TAFA1: variants seen among roughly 807,000 people sequenced by gnomAD.
TAFA1 encodes TAFA chemokine like family member 1.
A neutral mutation model predicts 18.5 loss-of-function variants in TAFA1; 4 were observed. That is an observed-to-expected ratio of 0.22 (90% CI 0.11 to 0.49). TAFA1 has a LOEUF of 0.49. Among genes scored for constraint, TAFA1 ranks in the 20% least tolerant of loss-of-function variants. The probability of loss-of-function intolerance (pLI) is 0.98; values close to 1 mark genes in which losing one functional copy is unlikely to be tolerated. For synonymous variants in TAFA1, 56 were observed against 55.2 expected, an observed-to-expected ratio of 1.01 and a Z score of -0.06; for missense variants, 147 against 169.0, an observed-to-expected ratio of 0.87 and a Z score of 0.72.
In TAFA1 at chr3:68,061,950, G is replaced by A. The variant is rs10440082; in HGVS notation, c.118+55206G>A. Among the ~76,000 whole-genome samples the A allele has an allele frequency of 3.7e-3, 565 of 152,180 alleles. 2 individuals are homozygous for A. The highest frequency in any genetic ancestry group is 0.013 in the African/African-American group (528 of 41,520). ...TTTCTTTTTATTGGGAAATGTAGAAGTGATACCTCAAACGATATGGTTTTT... is the reference window on the plus strand; with the variant it reads ...TTTCTTTTTATTGGGAAATGTAGAAATGATACCTCAAACGATATGGTTTTT... On this transcript the variant is annotated intron_variant, in intron 2 of 4. Transcript: ENST00000478136.
intron 2 of TAFA1, among the ~76,000 whole-genome samples, chr3:68,171,150 C>T (rs2066048510): frequency 6.6e-6 from 1 of 151,968 alleles, no homozygotes; most frequent in Non-Finnish European, 1.5e-5. Context: ...TCTAGATGGG[C>T]CCAATGTAAT....
chr3:68,265,037 G>A (rs1247391870), intron 2 of TAFA1, among the ~76,000 whole-genome samples: 1 of 152,028 alleles, frequency 6.6e-6, no homozygotes, highest in East Asian at 1.9e-4. Context: ...TTTAATATAT[G>A]AAATTTAAAA....
At chr3:68,438,225 G>GC (rs2071300462) in intron 3 of TAFA1, among the ~76,000 whole-genome samples, 2 of 152,072 alleles carry the variant, frequency 1.3e-5, no homozygotes. Flanking sequence ...GGGTCTGGTG[G>GC]CACATGTCAA....
At chr3:68,471,183 A>T (rs2071989746) in intron 3 of TAFA1, among the ~76,000 whole-genome samples, 1 of 152,246 alleles carries the variant, frequency 6.6e-6, no homozygotes, top group Admixed American at 6.5e-5. Context: ...CCTAGATTTC[A>T]GAGGATGTAT....
At chr3:68,273,031 A>G (rs867067709) in intron 2 of TAFA1, among the ~76,000 whole-genome samples, 9 of 152,066 alleles carry the variant, frequency 5.9e-5, no homozygotes, top group Non-Finnish European at 5.9e-5. Context: ...GTGGGGGGGA[A>G]TAAAAATAAG....
intron 4 of TAFA1, among the ~76,000 whole-genome samples, chr3:68,539,478 G>C (rs1284976179): frequency 3.9e-5 from 6 of 152,030 alleles, no homozygotes; most frequent in Non-Finnish European, 7.4e-5. Flanking sequence ...CAGCTAGCTA[G>C]ATATTAACCC....
At position 68,265,515 on chromosome 3, in the gene TAFA1, T is replaced by A. The variant is rs574948815; in HGVS notation, c.119-151765T>A. Among the ~76,000 whole-genome samples the A allele has an allele frequency of 5.1e-4, 77 of 152,294 alleles. 1 individual carries two copies. Among genetic ancestry groups the A allele is most frequent in the Admixed American group, 3.9e-3 (60 of 15,290 alleles). On this transcript the variant is annotated intron_variant, in intron 2 of 4. Coordinates refer to ENST00000478136, the MANE Select transcript of TAFA1 (RefSeq NM_213609.4). Reference sequence around the variant, plus strand: ...CACACTTGACATTCCTGGTGGGAATTTCTATGAATTCTGAAGCTTCAGAAA... The same window carrying A: ...CACACTTGACATTCCTGGTGGGAATATCTATGAATTCTGAAGCTTCAGAAA...
chr3:68,049,734 A>G (rs1185194766), intron 2 of TAFA1, among the ~76,000 whole-genome samples: 1 of 152,054 alleles, frequency 6.6e-6, no homozygotes, highest in Non-Finnish European at 1.5e-5. Flanking sequence ...CTGGCAACAC[A>G]GAAATTGACT....
At chr3:68,474,864 C>A (rs903811990) in intron 3 of TAFA1, among the ~76,000 whole-genome samples, 6 of 152,070 alleles carry the variant, frequency 3.9e-5, no homozygotes, top group Non-Finnish European at 7.4e-5. Context: ...ACTTTGACTA[C>A]CAGGACAAAG....
At chr3:67,991,549 C>T in the TAFA1 span, among the ~76,000 whole-genome samples, 2 of 152,334 alleles carry the variant, frequency 1.3e-5, no homozygotes, top group Admixed American at 6.5e-5. Context: ...GATTTCCTTT[C>T]TGTCTCTCCT....
chr3:68,382,415 C>G (rs771342757), intron 2 of TAFA1, among the ~76,000 whole-genome samples: 2 of 152,006 alleles, frequency 1.3e-5, no homozygotes, highest in African/African-American at 2.4e-5. Flanking sequence ...AGGAACATGT[C>G]CAGTATCAAT....
rs187346345 is a variant in TAFA1, at chr3:68,339,445, A to C, written c.119-77835A>C. Among the ~76,000 whole-genome samples the C allele has an allele frequency of 3.7e-3, 570 of 152,306 alleles. 4 individuals carry two copies. The highest frequency in any genetic ancestry group is 0.014 in the Middle Eastern group (4 of 294). On this transcript the variant is annotated intron_variant, in intron 2 of 4. Coordinates refer to ENST00000478136, the MANE Select transcript of TAFA1 (RefSeq NM_213609.4). ...CAATATGGATAGTAATAGCCAACCCAATTTGAGAGAGAAAGACAAAGTTAA... is the reference window on the plus strand; with the variant it reads ...CAATATGGATAGTAATAGCCAACCCCATTTGAGAGAGAAAGACAAAGTTAA...
At chr3:68,338,781 T>C (rs1575788580) in intron 2 of TAFA1, among the ~76,000 whole-genome samples, 1 of 152,214 alleles carries the variant, frequency 6.6e-6, no homozygotes, top group African/African-American at 2.4e-5. Flanking sequence ...ATTGCTACCA[T>C]ACTGCTGTAT....
rs1421681921 is a variant in TAFA1 at position 68,250,839 on chromosome 3, T to A, written c.119-166441T>A. On this transcript the variant is annotated intron_variant, in intron 2 of 4. Coordinates refer to ENST00000478136, the MANE Select transcript of TAFA1 (RefSeq NM_213609.4). ...CTGATCCTGCAGGACAAGGATCTATTTTCAAGTCAATTACAATTCCTAAGG... is the reference window on the plus strand; with the variant it reads ...CTGATCCTGCAGGACAAGGATCTATATTCAAGTCAATTACAATTCCTAAGG... 5.3e-5 allele frequency: 8 copies of A among 152,150 alleles called. No individual in the cohort carries two copies. In the East Asian group the frequency reaches 9.7e-4, roughly 18 times the overall value. The allele number at this position is 152,150 out of a possible 1,614,324, so 9.4% of individuals were successfully genotyped here. A position where few individuals can be genotyped will look rare whatever the true frequency, so the allele number is the denominator to read the frequency against.
intron 2 of TAFA1, among the ~76,000 whole-genome samples, chr3:68,376,398 C>T (rs1462640676): frequency 6.6e-6 from 1 of 151,896 alleles, no homozygotes; most frequent in Non-Finnish European, 1.5e-5. Flanking sequence ...TGGTCTTCTC[C>T]CTCCTCCCAC....
At chr3:68,061,077 T>C (rs572125171) in intron 2 of TAFA1, among the ~76,000 whole-genome samples, 5 of 152,170 alleles carry the variant, frequency 3.3e-5, no homozygotes, top group Admixed American at 6.5e-5. Context: ...CTAACAGTTG[T>C]AGAAAATAAA....
intron 2 of TAFA1, among the ~76,000 whole-genome samples, chr3:68,142,264 GAA>G (rs2065675816): frequency 6.6e-6 from 1 of 152,182 alleles, no homozygotes; most frequent in African/African-American, 2.4e-5. Context: ...TTGCATATGG[GAA>G]AAGTGAAACT....
intron 2 of TAFA1, among the ~76,000 whole-genome samples, chr3:68,095,018 C>T (rs2106804687): frequency 6.6e-6 from 1 of 152,232 alleles, no homozygotes; most frequent in Non-Finnish European, 1.5e-5. Context: ...ACAAGGTCAC[C>T]CATCATGGAA....
At chr3:68,402,975 T>C (rs1191365872) in intron 2 of TAFA1, among the ~76,000 whole-genome samples, 3 of 152,218 alleles carry the variant, frequency 2.0e-5, no homozygotes, top group South Asian at 4.1e-4. Context: ...CCCATAACAA[T>C]GTTTCAGTTA....
Sources: allele counts gnomAD v4.1 joint callset (sites outside exome capture counted in the v4.1 genomes callset), GRCh38; gene constraint gnomAD v4.1.1; transcripts MANE v1.5; gene names NCBI Gene and HGNC (gene_info 2026-07-23, HGNC 2026-07-21).